KIF3B: variants seen among roughly 807,000 people sequenced by gnomAD.
KIF3B encodes the protein kinesin-like protein KIF3B.
A neutral mutation model predicts 74.3 loss-of-function variants in KIF3B; 38 were observed. The ratio of observed to expected loss-of-function variants is 0.51; its 90% confidence interval spans 0.39 to 0.67. The LOEUF (loss-of-function observed/expected upper bound fraction) is 0.67, where lower values mean the gene tolerates loss of function less well. KIF3B is among the 30% of genes least tolerant of loss of function. The pLI, the probability that KIF3B is intolerant of heterozygous loss-of-function variation, is 0.00. For missense variants in KIF3B, 649 were observed against 932.0 expected (o/e 0.70, Z 3.95); for synonymous variants, 326 against 342.5 (o/e 0.95, Z 0.53).
chr20:32,320,337 G>A (rs2047853774), intron 5 of KIF3B, among the ~76,000 whole-genome samples: 1 of 151,924 alleles, frequency 6.6e-6, no homozygotes. Context: ...TTTCCGTTGT[G>A]ATATAGCCCA....
At chr20:32,301,611 A>G (rs2047744639) in intron 1 of KIF3B, among the ~76,000 whole-genome samples, 1 of 152,078 alleles carries the variant, frequency 6.6e-6, no homozygotes, top group Admixed American at 6.6e-5. Flanking sequence ...TCCTGACCTC[A>G]GGTGATCCAC....
At position 32,331,805 on chromosome 20, in the gene KIF3B, AG is replaced by A. The variant is rs368987613; in HGVS notation, c.*488del. On this transcript the variant is annotated 3_prime_UTR_variant, in exon 9 of 9. Transcript: ENST00000375712. ...AAAGTGAAAACCCTAGAACTTGAAT[AG>A]GTGCCTGTTCTTGTAGGGAGAAATG... 1.2e-3 allele frequency: 180 copies of A among 155,564 alleles called. 6 individuals carry two copies. In the East Asian group the frequency reaches 0.028, roughly 25 times the overall value. 9.6% of individuals were successfully genotyped at this position (155,564 alleles called of 1,614,324 possible).
chr20:32,322,779 T>C (rs1600436820), intron 5 of KIF3B, among the ~76,000 whole-genome samples: 2 of 62,516 alleles, frequency 3.2e-5, no homozygotes, highest in African/African-American at 2.2e-4. Flanking sequence ...TATATATATA[T>C]TTATATATAT....
chr20:32,279,612 T>C (rs566151477), intron 1 of KIF3B, among the ~76,000 whole-genome samples: 5 of 152,188 alleles, frequency 3.3e-5, no homozygotes, highest in African/African-American at 9.6e-5. Flanking sequence ...ATTACAGGCA[T>C]GTGCCACCAT....
At chr20:32,278,293 C>T (rs1028944905) in intron 1 of KIF3B, among the ~76,000 whole-genome samples, 2 of 151,924 alleles carry the variant, frequency 1.3e-5, no homozygotes, top group African/African-American at 2.4e-5. Flanking sequence ...GAGTTAGAGA[C>T]GTGGCATTTC....
At position 32,310,420 on chromosome 20, in the gene KIF3B, T is replaced by A. The variant is rs937022378; in HGVS notation, c.643T>A (p.Ser215Thr). ...ATNMNEHSSR[S>T]HAIFVITIEC... ...CAACATGAACGAGCACAGCTCGCGTTCTCATGCAATTTTCGTTATCACTAT... is the reference window on the plus strand; with the variant it reads ...CAACATGAACGAGCACAGCTCGCGTACTCATGCAATTTTCGTTATCACTAT... The change falls in exon 2 of 9, where the codon TCT becomes ACT. Residue 215 changes from serine (S) to threonine (T), a missense_variant. By Grantham distance (58) the Ser-to-Thr change is moderately conservative (BLOSUM62 1). Coordinates refer to ENST00000375712, the MANE Select transcript of KIF3B (RefSeq NM_004798.4). This position sits in a 1 kb window ranked among gnomAD's most constrained non-coding sequence, Gnocchi z 6.5. 6.2e-7 allele frequency: 1 copy of A among 1,614,084 alleles called. No homozygotes were observed. Among genetic ancestry groups the A allele is most frequent in the African/African-American group, 1.3e-5 (1 of 74,938 alleles).
Position 32,311,193 on chromosome 20 carries a change from G to A in KIF3B, c.1404+12G>A, listed in dbSNP as rs758516473. ...GCGCCAAGATCAAGGTACCATACCC[G>A]TACCCTTCCTTAGGCCCTTGCCCTG... is the stretch of plus-strand genomic sequence containing the variant. On this transcript the variant is annotated intron_variant, in intron 2 of 8. Coordinates refer to ENST00000375712, the MANE Select transcript of KIF3B (RefSeq NM_004798.4). 203 of 1,588,112 alleles carry A rather than the reference G, an allele frequency of 1.3e-4. No individual in the cohort carries two copies. Among genetic ancestry groups the A allele is most frequent in the Non-Finnish European group, 1.5e-4 (180 of 1,168,008 alleles).
chr20:32,310,580 T>C lies in KIF3B; in HGVS notation c.803T>C (p.Ile268Thr). 1 of 1,614,080 alleles carries C rather than the reference T, an allele frequency of 6.2e-7. No individual in the cohort carries two copies. The highest frequency in any genetic ancestry group is 8.5e-7 in the Non-Finnish European group (1 of 1,180,006). Residue 268 changes from isoleucine (I) to threonine (T), a missense_variant, in exon 2 of 9, where the codon ATC (isoleucine) becomes ACC (threonine). Transcript: ENST00000375712. This position sits in a 1 kb window ranked among gnomAD's most constrained non-coding sequence, Gnocchi z 6.5. ...GAGAGATTAAAAGAAGCTACCAAGA[T>C]CAACCTCTCCCTTTCCGCTTTGGGT... ...QGERLKEATK[I>T]NLSLSALGNV...
At chr20:32,322,522 C>T (rs1451622691) in intron 5 of KIF3B, among the ~76,000 whole-genome samples, 4 of 146,106 alleles carry the variant, frequency 2.7e-5, no homozygotes, top group South Asian at 2.1e-4. Flanking sequence ...GCAAGAGAAT[C>T]GCTTGAACCC....
intron 5 of KIF3B, among the ~76,000 whole-genome samples, chr20:32,317,991 A>G (rs1193439333): frequency 6.6e-6 from 1 of 152,128 alleles, no homozygotes; most frequent in Non-Finnish European, 1.5e-5. Context: ...CACATACCAT[A>G]CAATTCACAT....
chr20:32,277,875 C>A, intron 1 of KIF3B, 110 bp downstream of exon 1: 1 of 160,852 alleles, frequency 6.2e-6, no homozygotes, highest in South Asian at 1.8e-4. Flanking sequence ...GTCCCGCGAG[C>A]CGGAGCATCC....
intron 1 of KIF3B, among the ~76,000 whole-genome samples, chr20:32,295,310 T>C (rs2047711484): frequency 6.6e-6 from 1 of 151,724 alleles, no homozygotes; most frequent in Admixed American, 6.6e-5. Flanking sequence ...TTTTTTCTTT[T>C]GTGACAGAAT....
chr20:32,325,237 G>C (rs2122714958), intron 5 of KIF3B, among the ~76,000 whole-genome samples: 1 of 152,148 alleles, frequency 6.6e-6, no homozygotes, highest in South Asian at 2.1e-4. Flanking sequence ...CACCCGGATT[G>C]GAGTGCGGTG....
At chr20:32,295,285 C>T (rs1245749822) in intron 1 of KIF3B, among the ~76,000 whole-genome samples, 1 of 151,434 alleles carries the variant, frequency 6.6e-6, no homozygotes, top group Non-Finnish European at 1.5e-5. Context: ...AAGGTGACGC[C>T]CCCCGCCCCC....
rs1363152234 is a variant in KIF3B, at chr20:32,277,779, GCCGGGCGC to G, written c.-66+17_-66+24del. ...CTCGGGCCTCAGGTGAGTCGGAGGG[GCCGGGCGC>G]CCACCGAGCAGGGCTAATCCTGTGG... On this transcript the variant is annotated intron_variant, in intron 1 of 8. Transcript: ENST00000375712. 1.7e-5 allele frequency: 4 copies of G among 230,216 alleles called. No individual in the cohort carries two copies. In the East Asian group the frequency reaches 4.1e-4, roughly 24 times the overall value. 14.3% of individuals were successfully genotyped at this position (230,216 alleles called of 1,614,324 possible).
rs200067481 is a variant in KIF3B, at chr20:32,326,847, G to A, written c.1825G>A (p.Glu609Lys). The change falls in exon 6 of 9, where the codon GAA becomes AAA. Residue 609 changes from glutamate to lysine, a missense_variant. By Grantham distance (56) the Glu-to-Lys change is moderately conservative. Coordinates refer to ENST00000375712, the MANE Select transcript of KIF3B (RefSeq NM_004798.4). ...GAATAGAGCCTTCTTTGATGAAGAG[G>A]AAGATCATTGGAAACTACATCCTAT... ...IMNRAFFDEE[E>K]DHWKLHPITR... The A allele has an allele frequency of 4.4e-6, 7 of 1,591,596 alleles. No individual in the cohort carries two copies. The Admixed American group carries it at 1.2e-4, about 27-fold the overall frequency.
intron 8 of KIF3B, among the ~76,000 whole-genome samples, chr20:32,330,773 T>C (rs1371823305): frequency 6.6e-6 from 1 of 152,204 alleles, no homozygotes; most frequent in African/African-American, 2.4e-5. Context: ...AATTCAAAAA[T>C]AGGTCAATCC....
chr20:32,322,672 T>TTATATATTTA lies in KIF3B; in HGVS notation c.1749-4073_1749-4064dup, dbSNP rs1393832285. On this transcript the variant is annotated intron_variant, in intron 5 of 8. Coordinates refer to ENST00000375712, the MANE Select transcript of KIF3B (RefSeq NM_004798.4). ...TATTTTTATATATTTATATATATATTTATATATTTATATATATTTATATAT... is the reference window on the plus strand; with the variant it reads ...TATTTTTATATATTTATATATATATTTATATATTTATATATATTTATATATATTTATATAT... Among the ~76,000 whole-genome samples, 9 of 38,552 alleles carry TTATATATTTA rather than the reference T, an allele frequency of 2.3e-4. 1 individual carries two copies. The highest frequency in any genetic ancestry group is 3.0e-4 in the Non-Finnish European group (8 of 27,024). 25.3% of individuals were successfully genotyped at this position (38,552 alleles called of 152,430 possible).
chr20:32,296,660 G>A (rs1252447656), intron 1 of KIF3B, among the ~76,000 whole-genome samples: 2 of 152,080 alleles, frequency 1.3e-5, no homozygotes, highest in Non-Finnish European at 2.9e-5. Context: ...CATCCACCTA[G>A]CTCTTTTAGG....
Sources: gnomAD v4.1 joint callset for allele counts (sites outside exome capture counted in the v4.1 genomes callset) on GRCh38, gnomAD v4.1.1 for gene constraint, Gnocchi (gnomAD v3.1) non-coding constraint, MANE v1.5 for transcripts, NCBI Gene and HGNC (gene_info 2026-07-23, HGNC 2026-07-21) for gene names.